Variants in VWA8 observed in about 807,000 individuals in gnomAD.
VWA8 encodes the protein von Willebrand factor A domain containing 8, also known as von Willebrand factor A domain-containing protein 8.
VWA8 carries 221 observed loss-of-function variants against 241.5 expected under a neutral mutation model. That is an observed-to-expected ratio of 0.91 (90% CI 0.82 to 1.02). The LOEUF (loss-of-function observed/expected upper bound fraction) is 1.02, where lower values mean the gene tolerates loss of function less well. Among genes scored for constraint, VWA8 ranks in the 50% least tolerant of loss-of-function variants. VWA8 has a pLI of 0.00. For missense variants in VWA8, 2,322 were observed against 2,328.7 expected (o/e 1.00, Z 0.06); for synonymous variants, 852 against 827.1 (o/e 1.03, Z -0.52).
At chr13:41,862,310 A>G (rs891314622) in intron 12 of VWA8, among the ~76,000 whole-genome samples, 4 of 152,264 alleles carry the variant, frequency 2.6e-5, no homozygotes. Flanking sequence ...AATAGGTTAG[A>G]GACTTAAATC....
chr13:41,651,837 C>G (rs2044871401), intron 37 of VWA8, among the ~76,000 whole-genome samples: 1 of 152,096 alleles, frequency 6.6e-6, no homozygotes, highest in Admixed American at 6.5e-5. Flanking sequence ...AATTTAGCAA[C>G]ACAGGAAAGC....
chr13:41,681,191 T>G (rs1251218249), intron 35 of VWA8, among the ~76,000 whole-genome samples: 1 of 152,154 alleles, frequency 6.6e-6, no homozygotes, highest in Non-Finnish European at 1.5e-5. Context: ...CCTCTTATCC[T>G]AGATGTTTTC....
intron 18 of VWA8, among the ~76,000 whole-genome samples, chr13:41,784,810 A>G (rs1416616048): frequency 6.9e-6 from 1 of 145,294 alleles, no homozygotes; most frequent in African/African-American, 2.5e-5. Context: ...TAAAATTACT[A>G]TTTTCGAGGT....
At chr13:41,782,206 G>A (rs1383281620) in intron 19 of VWA8, among the ~76,000 whole-genome samples, 10 of 152,196 alleles carry the variant, frequency 6.6e-5, no homozygotes, top group Admixed American at 5.9e-4. Flanking sequence ...AGTCCTAAAT[G>A]TCCATGTCAC....
At chr13:41,874,992 T>G (rs974274498) in intron 9 of VWA8, among the ~76,000 whole-genome samples, 3 of 152,082 alleles carry the variant, frequency 2.0e-5, no homozygotes, top group Admixed American at 6.6e-5. Context: ...TAAGCCCCAT[T>G]AGGGCAATAT....
chr13:41,863,454 T>TATATATATATATATATATATATA (rs767135880), intron 12 of VWA8, among the ~76,000 whole-genome samples: 2 of 94,812 alleles, frequency 2.1e-5, no homozygotes, highest in Non-Finnish European at 4.5e-5. Context: ...TATATATATA[T>TATATATATATATATATATATATA]TCACACACAC....
intron 35 of VWA8, among the ~76,000 whole-genome samples, chr13:41,676,416 G>A (rs2045060498): frequency 1.3e-5 from 2 of 152,094 alleles, no homozygotes; most frequent in Admixed American, 1.3e-4. Flanking sequence ...TCTGAGAGCT[G>A]GAACAGTCTT....
At chr13:41,690,343 A>T in intron 32 of VWA8, 68 bp from the exon 33 acceptor site, 1 of 1,302,106 alleles carries the variant, frequency 7.7e-7, no homozygotes, top group South Asian at 1.4e-5. Context: ...AGGCCAGACT[A>T]AGAAAAATTA....
chr13:41,576,696 A>G lies in VWA8; in HGVS notation c.5272-858T>C, dbSNP rs138910347. Reference sequence around the variant, plus strand: ...TATTATGTCTAAATATGTAAAAGATATACATCAGGCTACCAACTGTTAAAT... The same window carrying G: ...TATTATGTCTAAATATGTAAAAGATGTACATCAGGCTACCAACTGTTAAAT... On this transcript the variant is annotated intron_variant, in intron 42 of 44. Transcript: ENST00000379310. Among the ~76,000 whole-genome samples, 585 of 152,344 alleles carry G rather than the reference A, an allele frequency of 3.8e-3. 8 individuals are homozygous for G. Among genetic ancestry groups the G allele is most frequent in the African/African-American group, 0.013 (551 of 41,584 alleles).
At chr13:41,790,616 T>C (rs1869413729) in intron 17 of VWA8, among the ~76,000 whole-genome samples, 1 of 152,002 alleles carries the variant, frequency 6.6e-6, no homozygotes, top group Non-Finnish European at 1.5e-5. Flanking sequence ...CCTCAAAATT[T>C]TCCAGAAGTA....
intron 5 of VWA8, 94 bp downstream of exon 5, chr13:41,891,326 G>T: frequency 6.8e-7 from 1 of 1,470,184 alleles, no homozygotes; most frequent in Non-Finnish European, 9.3e-7. Context: ...CTGAACATCT[G>T]TCCTGATTCC....
chr13:41,772,583 C>G (rs2045832842), intron 20 of VWA8, among the ~76,000 whole-genome samples: 1 of 152,172 alleles, frequency 6.6e-6, no homozygotes, highest in Non-Finnish European at 1.5e-5. Flanking sequence ...GCATTATACC[C>G]TAAGTGACCC....
At chr13:41,923,710 G>A (rs1481143052) in intron 2 of VWA8, among the ~76,000 whole-genome samples, 1 of 151,950 alleles carries the variant, frequency 6.6e-6, no homozygotes, top group Non-Finnish European at 1.5e-5. Flanking sequence ...TTTGGCCACT[G>A]AGGATCCTAA....
intron 16 of VWA8, 79 bp from the exon 17 acceptor site, chr13:41,811,419 A>T: frequency 8.8e-7 from 1 of 1,139,862 alleles, no homozygotes; most frequent in South Asian, 1.6e-5. Flanking sequence ...TCACAGCAGA[A>T]TTCATTATTA....
intron 26 of VWA8, among the ~76,000 whole-genome samples, chr13:41,710,378 G>A (rs2045308677): frequency 6.6e-6 from 1 of 152,182 alleles, no homozygotes; most frequent in Non-Finnish European, 1.5e-5. Flanking sequence ...ATGCATGAGA[G>A]AAGATTCATA....
At chr13:41,729,824 C>T (rs1275614124) in intron 22 of VWA8, 147 bp from the exon 23 acceptor site, 3 of 589,538 alleles carry the variant, frequency 5.1e-6, no homozygotes, top group South Asian at 7.4e-5. Flanking sequence ...CACACACACA[C>T]ACACACACAC....
In VWA8 at chr13:41,883,338, G is replaced by A. The variant is rs113587993; in HGVS notation, c.1080+49C>T. ...TGAGGGGAAGATGGGAAAAGGCAAGGGAAGGGAAAATGGGAAAAGAAAGGA... is the reference window on the plus strand; with the variant it reads ...TGAGGGGAAGATGGGAAAAGGCAAGAGAAGGGAAAATGGGAAAAGAAAGGA... On this transcript the variant is annotated intron_variant, in intron 9 of 44. Transcript: ENST00000379310. The A allele has an allele frequency of 3.7e-4, 549 of 1,476,938 alleles. 4 individuals are homozygous for A. The African/African-American group carries it at 6.5e-3, about 18-fold the overall frequency. The allele number at this position is 1,476,938 out of a possible 1,614,324, so 91.5% of individuals were successfully genotyped here.
chr13:41,844,272 G>A (rs747908765), intron 12 of VWA8, among the ~76,000 whole-genome samples: 4 of 152,050 alleles, frequency 2.6e-5, no homozygotes, highest in Middle Eastern at 3.2e-3. Flanking sequence ...AAAAGCTTCC[G>A]ATAAAATCCA....
At chr13:41,707,492 C>A (rs1281634574) in intron 26 of VWA8, among the ~76,000 whole-genome samples, 1 of 152,156 alleles carries the variant, frequency 6.6e-6, no homozygotes, top group Non-Finnish European at 1.5e-5. Flanking sequence ...CAGGGCTGTT[C>A]CAACAACTCT....
Sources: gnomAD v4.1 joint callset for allele counts (sites outside exome capture counted in the v4.1 genomes callset) on GRCh38, gnomAD v4.1.1 for gene constraint, MANE v1.5 for transcripts, NCBI Gene and HGNC (gene_info 2026-07-23, HGNC 2026-07-21) for gene names.